Variants in TBC1D22A observed in about 807,000 individuals in gnomAD.
The protein encoded by TBC1D22A is putative GTPase activator.
Under a neutral mutation model 60.2 loss-of-function variants are expected in TBC1D22A, and 38 were observed. The observed-to-expected ratio is 0.63, with a 90% CI of 0.49 to 0.83. The LOEUF is 0.83. Ranked by LOEUF, TBC1D22A falls within the 40% of genes least tolerant of loss-of-function variation. The pLI is 0.00. For synonymous variants in TBC1D22A, 302 were observed against 281.7 expected, an observed-to-expected ratio of 1.07 and a Z score of -0.72; for missense variants, 628 against 701.0, an observed-to-expected ratio of 0.90 and a Z score of 1.18.
chr22:46,953,559 T>A (rs542883586), intron 8 of TBC1D22A, among the ~76,000 whole-genome samples: 3 of 152,240 alleles, frequency 2.0e-5, no homozygotes, highest in African/African-American at 7.2e-5. Context: ...TGAAGAACTT[T>A]AACACTTTTT....
At position 46,969,029 on chromosome 22, in the gene TBC1D22A, C is replaced by T. The variant is rs372753282; in HGVS notation, c.1016-5261C>T. Among the ~76,000 whole-genome samples the T allele has an allele frequency of 6.6e-5, 10 of 152,198 alleles. No individual in the cohort carries two copies. In the East Asian group the frequency reaches 9.7e-4, roughly 15 times the overall value. On this transcript the variant is annotated intron_variant, in intron 8 of 12. Transcript: ENST00000337137. ...CAGTGCTATCCCCACCTTGTAGCAC[C>T]GGCCCTGCCCACTGGATGCCAGCAG...
At chr22:47,066,605 A>G (rs1317602298) in intron 11 of TBC1D22A, among the ~76,000 whole-genome samples, 1 of 152,202 alleles carries the variant, frequency 6.6e-6, no homozygotes, top group African/African-American at 2.4e-5. Context: ...TTCCCGTGGA[A>G]GGCAAAGCAC....
chr22:46,841,528 C>T (rs1472382351), intron 4 of TBC1D22A, among the ~76,000 whole-genome samples: 1 of 152,176 alleles, frequency 6.6e-6, no homozygotes, highest in Non-Finnish European at 1.5e-5. Flanking sequence ...AAGAAGGTAA[C>T]CCTGTCATTT....
chr22:47,167,119 C>T (rs538032765), intron 12 of TBC1D22A, among the ~76,000 whole-genome samples: 1 of 152,354 alleles, frequency 6.6e-6, no homozygotes, highest in African/African-American at 2.4e-5. Context: ...CGTTTTCTCC[C>T]AACGATGACC....
chr22:47,064,292 C>T (rs547063621), intron 11 of TBC1D22A, among the ~76,000 whole-genome samples: 2 of 152,366 alleles, frequency 1.3e-5, no homozygotes, highest in South Asian at 2.1e-4. Context: ...GCAGCGGTGC[C>T]GGGCGGTCAT....
intron 8 of TBC1D22A, among the ~76,000 whole-genome samples, chr22:46,936,579 G>A (rs540154716): frequency 6.6e-6 from 1 of 152,362 alleles, no homozygotes; most frequent in East Asian, 1.9e-4. Flanking sequence ...CCTGACAAGC[G>A]GAGCGTGAGA....
At chr22:46,945,589 C>G (rs1487089499) in intron 8 of TBC1D22A, among the ~76,000 whole-genome samples, 1 of 152,178 alleles carries the variant, frequency 6.6e-6, no homozygotes, top group Non-Finnish European at 1.5e-5. Context: ...GTGTGACCAA[C>G]TAGCTGACAT....
chr22:46,969,238 G>A (rs572883354), intron 8 of TBC1D22A, among the ~76,000 whole-genome samples: 1 of 152,164 alleles, frequency 6.6e-6, no homozygotes, highest in African/African-American at 2.4e-5. Context: ...AGAAATAACT[G>A]CTCATTGTGA....
At chr22:47,032,740 TGCTG>T (rs2062520498) in intron 10 of TBC1D22A, among the ~76,000 whole-genome samples, 3 of 152,222 alleles carry the variant, frequency 2.0e-5, no homozygotes, top group Admixed American at 1.3e-4. Flanking sequence ...GGCCCCAGGC[TGCTG>T]ACTTCAGCTT....
intron 7 of TBC1D22A, among the ~76,000 whole-genome samples, chr22:46,909,914 A>C (rs1026813976): frequency 2.0e-5 from 3 of 152,124 alleles, no homozygotes; most frequent in Non-Finnish European, 4.4e-5. Context: ...CTGTTGGCTG[A>C]GGGGTTGCCG....
chr22:46,887,171 G>T (rs977960649), intron 5 of TBC1D22A, among the ~76,000 whole-genome samples: 19 of 152,168 alleles, frequency 1.2e-4, no homozygotes, highest in African/African-American at 4.6e-4. Context: ...CATGGGAAGG[G>T]ACTCAAACAT....
chr22:46,840,548 C>T (rs960866918), intron 4 of TBC1D22A, among the ~76,000 whole-genome samples: 1 of 152,092 alleles, frequency 6.6e-6, no homozygotes, highest in Non-Finnish European at 1.5e-5. Context: ...GCCTGGCCAA[C>T]ATAGTGAAAC....
intron 11 of TBC1D22A, among the ~76,000 whole-genome samples, chr22:47,102,673 A>G (rs1280657682): frequency 6.6e-6 from 1 of 152,202 alleles, no homozygotes; most frequent in Non-Finnish European, 1.5e-5. Flanking sequence ...CTGGGAAAGC[A>G]TGCCCTCTCC....
intron 11 of TBC1D22A, among the ~76,000 whole-genome samples, chr22:47,106,989 A>T (rs534416788): frequency 1.3e-5 from 2 of 152,224 alleles, no homozygotes; most frequent in Non-Finnish European, 1.5e-5. Context: ...TCTGGAAACC[A>T]TGAGTACATA....
At chr22:46,778,616 C>T (rs2083803904) in intron 1 of TBC1D22A, among the ~76,000 whole-genome samples, 1 of 152,170 alleles carries the variant, frequency 6.6e-6, no homozygotes, top group Admixed American at 6.5e-5. Context: ...GAATCATCAT[C>T]TTCCATGATA....
chr22:47,154,612 T>A (rs544604328), intron 12 of TBC1D22A, among the ~76,000 whole-genome samples: 1 of 152,270 alleles, frequency 6.6e-6, no homozygotes, highest in East Asian at 1.9e-4. Context: ...GCCTGTCCTG[T>A]CAGCCTGCCC....
At chr22:46,841,082 GAGAGAGAGAA>G (rs965354386) in intron 4 of TBC1D22A, among the ~76,000 whole-genome samples, 21 of 151,898 alleles carry the variant, frequency 1.4e-4, no homozygotes, top group African/African-American at 4.8e-4. Flanking sequence ...GTGAGAGAGA[GAGAGAGAGAA>G]AGAGAGAGAG....
chr22:46,882,223 A>G (rs1033834740), intron 5 of TBC1D22A, among the ~76,000 whole-genome samples: 4 of 152,116 alleles, frequency 2.6e-5, no homozygotes, highest in Non-Finnish European at 2.9e-5. Flanking sequence ...GACTGACTCT[A>G]GCATGCTGTG....
At chr22:46,912,790 C>T (rs750482885) in intron 8 of TBC1D22A, among the ~76,000 whole-genome samples, 10 of 152,184 alleles carry the variant, frequency 6.6e-5, no homozygotes, top group Non-Finnish European at 1.3e-4. Context: ...CTCCTGACCT[C>T]GTGATCTGCC....
Sources: gnomAD v4.1 joint callset for allele counts (sites outside exome capture counted in the v4.1 genomes callset) on GRCh38, gnomAD v4.1.1 for gene constraint, MANE v1.5 for transcripts, NCBI Gene and HGNC (gene_info 2026-07-23, HGNC 2026-07-21) for gene names.